The following SLIT2 variants were observed in gnomAD, a reference collection of about 807,000 sequenced individuals.
The protein encoded by SLIT2 is slit guidance ligand 2.
SLIT2 carries 41 observed loss-of-function variants against 185.7 expected under a neutral mutation model. The ratio of observed to expected loss-of-function variants is 0.22; its 90% CI spans 0.17 to 0.29. The LOEUF (loss-of-function observed/expected upper bound fraction) is 0.29. SLIT2 is among the 10% of genes least tolerant of loss of function. SLIT2 has a pLI of 1.00. For missense variants in SLIT2, 1,571 were observed against 1,909.0 expected, an observed-to-expected ratio of 0.82 and a Z score of 3.30; for synonymous variants, 693 against 680.2, an observed-to-expected ratio of 1.02 and a Z score of -0.29.
At chr4:20,289,299 C>G (rs1715580529) in intron 4 of SLIT2, among the ~76,000 whole-genome samples, 1 of 152,078 alleles carries the variant, frequency 6.6e-6, no homozygotes. Flanking sequence ...GATAATAAAA[C>G]TCACATTTCC....
chr4:20,453,978 T>C (rs1033692373), intron 4 of SLIT2, among the ~76,000 whole-genome samples: 1 of 152,190 alleles, frequency 6.6e-6, no homozygotes, highest in Non-Finnish European at 1.5e-5. Context: ...CACACTGTAC[T>C]CTCTTTGTTC....
At chr4:20,525,076 T>A (rs1721166217) in intron 14 of SLIT2, 73 bp from the exon 15 acceptor site, 1 of 1,101,530 alleles carries the variant, frequency 9.1e-7, no homozygotes, top group Non-Finnish European at 1.4e-6. Context: ...CCATTCTTAA[T>A]CTAATATAAC....
At chr4:20,498,630 G>A (rs1718441134) in intron 9 of SLIT2, among the ~76,000 whole-genome samples, 1 of 152,178 alleles carries the variant, frequency 6.6e-6, no homozygotes, top group Non-Finnish European at 1.5e-5. Context: ...TATTTAGTAA[G>A]AATGTAAGTT....
At chr4:20,285,494 A>G (rs1715176039) in intron 4 of SLIT2, among the ~76,000 whole-genome samples, 2 of 152,200 alleles carry the variant, frequency 1.3e-5, no homozygotes, top group African/African-American at 2.4e-5. Flanking sequence ...GATACTTCAT[A>G]TGTATTGCAG....
intron 4 of SLIT2, among the ~76,000 whole-genome samples, chr4:20,324,379 C>A (rs1577433520): frequency 7.4e-6 from 1 of 134,258 alleles, no homozygotes; most frequent in South Asian, 2.4e-4. Flanking sequence ...CTCACCCCGA[C>A]CAGGCCATTT....
At chr4:20,497,174 C>T (rs148807038) in intron 9 of SLIT2, among the ~76,000 whole-genome samples, 4,460 of 151,374 alleles carry the variant, frequency 0.029, 104 homozygotes, top group Non-Finnish European at 0.046. Context: ...TCTTTCTCTA[C>T]AGTCATATTC....
At chr4:20,527,657 G>A (rs983085642) in intron 15 of SLIT2, among the ~76,000 whole-genome samples, 1 of 152,058 alleles carries the variant, frequency 6.6e-6, no homozygotes, top group Non-Finnish European at 1.5e-5. Context: ...TGGTTTTCTT[G>A]TGAGACCACC....
Position 20,256,599 on chromosome 4 carries a change from T to C in SLIT2, c.180-73T>C, listed in dbSNP as rs531981404. On this transcript the variant is annotated intron_variant, in intron 1 of 36. Transcript: ENST00000504154. ...ATTGAATTAACTTTTAGTTCTGATT[T>C]ACTCTAAACTTTACTTGAAGCAGGT... The C allele has an allele frequency of 2.4e-5, 18 of 749,280 alleles. No individual in the cohort carries two copies. In the African/African-American group the frequency reaches 2.8e-4, roughly 12 times the overall value. The allele number at this position is 749,280 out of a possible 1,614,324, so 46.4% of individuals were successfully genotyped here. A position where few individuals can be genotyped will look rare whatever the true frequency, so the allele number is the denominator to read the frequency against.
At chr4:20,288,713 A>G (rs1394418857) in intron 4 of SLIT2, among the ~76,000 whole-genome samples, 1 of 152,346 alleles carries the variant, frequency 6.6e-6, no homozygotes, top group South Asian at 2.1e-4. Context: ...TCATCACTTT[A>G]CAAAAACAAG....
At chr4:20,609,421 C>T (rs1729038851) in intron 33 of SLIT2, among the ~76,000 whole-genome samples, 1 of 152,168 alleles carries the variant, frequency 6.6e-6, no homozygotes, top group Admixed American at 6.5e-5. Context: ...AACTTCTTCA[C>T]AGCAATATCA....
intron 21 of SLIT2, among the ~76,000 whole-genome samples, chr4:20,543,558 A>G (rs1302828308): frequency 6.6e-6 from 1 of 152,216 alleles, no homozygotes; most frequent in Non-Finnish European, 1.5e-5. Flanking sequence ...GCAGATGTGT[A>G]TCAGTTATTT....
chr4:20,423,220 T>G (rs1334308125), intron 4 of SLIT2, among the ~76,000 whole-genome samples: 1 of 152,056 alleles, frequency 6.6e-6, no homozygotes, highest in Non-Finnish European at 1.5e-5. Flanking sequence ...TTATTTTGTT[T>G]AATTTCTAGA....
intron 33 of SLIT2, among the ~76,000 whole-genome samples, chr4:20,601,902 G>T (rs1368604318): frequency 6.6e-6 from 1 of 151,882 alleles, no homozygotes; most frequent in African/African-American, 2.4e-5. Context: ...TCCAAATTTT[G>T]CATTATTTAA....
chr4:20,500,359 T>G (rs1718617221), intron 9 of SLIT2, among the ~76,000 whole-genome samples: 1 of 152,188 alleles, frequency 6.6e-6, no homozygotes, highest in Non-Finnish European at 1.5e-5. Flanking sequence ...TTAGAGCACT[T>G]CTTAACACAT....
At chr4:20,335,306 C>A (rs904489344) in intron 4 of SLIT2, among the ~76,000 whole-genome samples, 1 of 152,110 alleles carries the variant, frequency 6.6e-6, no homozygotes, top group Non-Finnish European at 1.5e-5. Context: ...CAAACAGAAT[C>A]ACCGGTGTGC....
At chr4:20,406,978 A>T (rs1726825378) in intron 4 of SLIT2, among the ~76,000 whole-genome samples, 1 of 152,142 alleles carries the variant, frequency 6.6e-6, no homozygotes, top group Non-Finnish European at 1.5e-5. Context: ...TATAACAATA[A>T]ACAAATATTG....
At chr4:20,590,051 G>A (rs1321338939) in intron 30 of SLIT2, among the ~76,000 whole-genome samples, 2 of 151,546 alleles carry the variant, frequency 1.3e-5, no homozygotes, top group African/African-American at 2.4e-5. Context: ...GACTACAGGC[G>A]CCCGCCACCA....
Position 20,596,601 on chromosome 4 carries a change from T to G in SLIT2, c.3507T>G (p.Ser1169=), listed in dbSNP as rs1234636964. 1.2e-6 allele frequency: 2 copies of G among 1,613,820 alleles called. No homozygotes were observed. The highest frequency in any genetic ancestry group is 1.7e-6 in the Non-Finnish European group (2 of 1,179,916). ...GTGTGAATTTTATAAACAAAGAGTC[T>G]TATCTTCAGATTCCTTCAGCCAAGG... ...LVSVNFINKE[S]YLQIPSAKVR... Residue 1169 remains serine, a synonymous_variant, in exon 32 of 37, where the codon TCT becomes TCG. Transcript: ENST00000504154.
rs181229443 is a variant in SLIT2, at chr4:20,495,609, C to G, written c.914+3710C>G. Among the ~76,000 whole-genome samples the G allele has an allele frequency of 2.0e-3, 297 of 152,162 alleles. 1 individual carries two copies. Among genetic ancestry groups the G allele is most frequent in the Admixed American group, 4.1e-3 (63 of 15,286 alleles). On this transcript the variant is annotated intron_variant, in intron 9 of 36. Coordinates refer to ENST00000504154, the MANE Select transcript of SLIT2 (RefSeq NM_004787.4). ...GGGATTTAGTTGCATTAAAGTTATA[C>G]TAAATAATATGTCCCGTGGACTTTG...
Sources: gnomAD v4.1 joint callset for allele counts (sites outside exome capture counted in the v4.1 genomes callset) on GRCh38, gnomAD v4.1.1 for gene constraint, MANE v1.5 for transcripts, NCBI Gene and HGNC (gene_info 2026-07-23, HGNC 2026-07-21) for gene names.